The following RNLS variants were observed in gnomAD, a reference collection of about 807,000 sequenced individuals.
The protein encoded by RNLS is renalase.
A neutral mutation model predicts 39.8 loss-of-function variants in RNLS; 39 were observed. The observed-to-expected ratio is 0.98, with a 90% CI of 0.76 to 1.28. The LOEUF (loss-of-function observed/expected upper bound fraction) is 1.28, where lower values mean the gene tolerates loss of function less well. Among genes scored for constraint, RNLS ranks in the 50% most tolerant of loss-of-function variants. The pLI, the probability that RNLS is intolerant of heterozygous loss-of-function variation, is 0.00. For missense variants in RNLS, 410 were observed against 413.3 expected (o/e 0.99, Z 0.07); for synonymous variants, 147 against 150.7 (o/e 0.98, Z 0.18).
chr10:88,206,915 C>T, the RNLS span, among the ~76,000 whole-genome samples: 1 of 152,106 alleles, frequency 6.6e-6, no homozygotes, highest in African/African-American at 2.4e-5. Flanking sequence ...ACTCTTTAGC[C>T]TTGCCTGATA....
In RNLS at chr10:88,312,086, T is replaced by C. The variant is rs564823015; in HGVS notation, c.876+2380A>G. Among the ~76,000 whole-genome samples the C allele has an allele frequency of 5.9e-5, 9 of 152,304 alleles. No homozygotes were observed. In the South Asian group the frequency reaches 1.9e-3, roughly 32 times the overall value. ...GTAATGCCCCTACCACAGACATCCA[T>C]GTCTTAATCCCTGGAACCTACAAAT... On this transcript the variant is annotated intron_variant, in intron 6 of 6. Coordinates refer to ENST00000331772, the MANE Select transcript of RNLS (RefSeq NM_001031709.3).
chr10:88,448,390 C>T lies in RNLS; in HGVS notation c.527-85665G>A, dbSNP rs867608559. Among the ~76,000 whole-genome samples, 17 of 152,240 alleles carry T rather than the reference C, an allele frequency of 1.1e-4. No homozygotes were observed. In the Middle Eastern group the frequency reaches 0.01, roughly 91 times the overall value. ...AAGACATTTATGCAGCCAACAGACA[C>T]ATGAAAAAATGCTCATCATCACTGG... On this transcript the variant is annotated intron_variant, in intron 4 of 6. Transcript: ENST00000331772.
At chr10:88,505,090 A>C (rs1479488210) in intron 4 of RNLS, among the ~76,000 whole-genome samples, 2 of 152,024 alleles carry the variant, frequency 1.3e-5, no homozygotes, top group African/African-American at 2.4e-5. Flanking sequence ...CCAAAAACCC[A>C]GATATTGGCT....
intron 4 of RNLS, among the ~76,000 whole-genome samples, chr10:88,377,239 TATAC>T (rs35790165): frequency 0.51 from 54,689 of 107,366 alleles, 11,268 homozygotes; most frequent in African/African-American, 0.64. Flanking sequence ...TACACACACA[TATAC>T]ACACACACAC....
intron 4 of RNLS, among the ~76,000 whole-genome samples, chr10:88,450,313 G>C (rs902166944): frequency 1.3e-5 from 2 of 152,186 alleles, no homozygotes; most frequent in Admixed American, 1.3e-4. Context: ...AGTTGAGATA[G>C]GTGGTAGAAG....
At chr10:88,441,967 C>T (rs1031359297) in intron 4 of RNLS, among the ~76,000 whole-genome samples, 4 of 152,140 alleles carry the variant, frequency 2.6e-5, no homozygotes, top group African/African-American at 7.2e-5. Flanking sequence ...CAGAGGCAGC[C>T]GGGTTACTAT....
At chr10:88,379,099 A>C (rs1170709010) in intron 4 of RNLS, among the ~76,000 whole-genome samples, 1 of 152,218 alleles carries the variant, frequency 6.6e-6, no homozygotes, top group Non-Finnish European at 1.5e-5. Flanking sequence ...TGGCATTATG[A>C]TGGCTACAAC....
intron 6 of RNLS, among the ~76,000 whole-genome samples, chr10:88,305,751 A>G (rs1413626802): frequency 1.3e-5 from 2 of 152,164 alleles, no homozygotes; most frequent in Non-Finnish European, 2.9e-5. Flanking sequence ...CACCCCACTG[A>G]TAACATTAGG....
the RNLS span, among the ~76,000 whole-genome samples, chr10:88,241,723 G>C: frequency 7.9e-5 from 12 of 152,226 alleles, no homozygotes; most frequent in African/African-American, 2.9e-4. Flanking sequence ...CCTCCTAACA[G>C]ATTCACTAGT....
intron 4 of RNLS, among the ~76,000 whole-genome samples, chr10:88,438,994 G>A (rs1161686875): frequency 1.3e-5 from 2 of 152,172 alleles, no homozygotes; most frequent in Non-Finnish European, 2.9e-5. Context: ...GGGCGCCTTA[G>A]TTGCAGCACC....
At chr10:88,420,036 AAATAAATAAATAAATAAATAAATG>A (rs1306837334) in intron 4 of RNLS, among the ~76,000 whole-genome samples, 82 of 112,882 alleles carry the variant, frequency 7.3e-4, no homozygotes, top group African/African-American at 2.4e-3. Context: ...ATAAATAAAT[AAATAAATAAATAAATAAATAAATG>A]AATGAATAAA....
At chr10:88,396,336 G>A (rs1022920536) in intron 4 of RNLS, among the ~76,000 whole-genome samples, 2 of 151,960 alleles carry the variant, frequency 1.3e-5, no homozygotes, top group Non-Finnish European at 2.9e-5. Context: ...ACAAAACAGG[G>A]AGAGACTGGA....
chr10:88,199,923 G>A, the RNLS span, among the ~76,000 whole-genome samples: 1 of 152,196 alleles, frequency 6.6e-6, no homozygotes, highest in African/African-American at 2.4e-5. Flanking sequence ...CAGCCCAGGA[G>A]TTTGAGACTA....
rs34411833 is a variant in RNLS, at chr10:88,504,844, A to AGTGTGTGTGTGT, written c.526+68047_526+68058dup. On this transcript the variant is annotated intron_variant, in intron 4 of 6. Coordinates refer to ENST00000331772, the MANE Select transcript of RNLS (RefSeq NM_001031709.3). Reference sequence around the variant, plus strand: ...GAGCAAATTAGAGAGAGAGAGACAGAGTGTGTGTGTGTGTGTGTGTGTGTG... The same window carrying AGTGTGTGTGTGT: ...GAGCAAATTAGAGAGAGAGAGACAGAGTGTGTGTGTGTGTGTGTGTGTGTGTGTGTGTGTGTG... Among the ~76,000 whole-genome samples the AGTGTGTGTGTGT allele has an allele frequency of 2.2e-3, 294 of 136,250 alleles. 1 individual carries two copies. Among genetic ancestry groups the AGTGTGTGTGTGT allele is most frequent in the Middle Eastern group, 0.012 (3 of 256 alleles). 89.4% of individuals were successfully genotyped at this position (136,250 alleles called of 152,430 possible).
intron 4 of RNLS, among the ~76,000 whole-genome samples, chr10:88,472,577 G>T (rs1843608792): frequency 6.6e-6 from 1 of 152,166 alleles, no homozygotes; most frequent in Non-Finnish European, 1.5e-5. Flanking sequence ...AGCTTCTGTG[G>T]TTATAGGTAA....
At chr10:88,299,526 G>A (rs1477843052) in intron 6 of RNLS, among the ~76,000 whole-genome samples, 2 of 152,208 alleles carry the variant, frequency 1.3e-5, no homozygotes, top group Admixed American at 1.3e-4. Context: ...TCAGGAGCCT[G>A]AGGCAGGAGA....
chr10:88,350,805 G>A (rs866964287), intron 5 of RNLS, among the ~76,000 whole-genome samples: 36 of 152,170 alleles, frequency 2.4e-4, no homozygotes, highest in African/African-American at 6.3e-4. Flanking sequence ...AGGAATCGCC[G>A]CACTGTATTC....
At chr10:88,398,050 T>C (rs994751151) in intron 4 of RNLS, among the ~76,000 whole-genome samples, 9 of 152,068 alleles carry the variant, frequency 5.9e-5, no homozygotes, top group Admixed American at 2.6e-4. Flanking sequence ...AATGAAGCCA[T>C]GTTTTCGTAC....
the RNLS span, among the ~76,000 whole-genome samples, chr10:88,220,327 G>A: frequency 6.6e-6 from 1 of 152,200 alleles, no homozygotes; most frequent in Non-Finnish European, 1.5e-5. Flanking sequence ...GGGGTGGGCA[G>A]GGTCAAGACT....
Sources: allele counts gnomAD v4.1 joint callset (sites outside exome capture counted in the v4.1 genomes callset), GRCh38; gene constraint gnomAD v4.1.1; transcripts MANE v1.5; gene names NCBI Gene and HGNC (gene_info 2026-07-23, HGNC 2026-07-21).